Variants in DPP4 observed in about 807,000 individuals in gnomAD.
DPP4 encodes the protein dipeptidyl peptidase 4, also known as ADCP-2.
A neutral mutation model predicts 122.4 loss-of-function variants in DPP4; 93 were observed. The observed-to-expected ratio is 0.76, with a 90% CI of 0.64 to 0.90. The LOEUF is 0.90. Among genes scored for constraint, DPP4 ranks in the 40% least tolerant of loss-of-function variants. The probability of loss-of-function intolerance (pLI) is 0.00; values close to 1 mark genes in which losing one functional copy is unlikely to be tolerated. For missense variants in DPP4, 914 were observed against 907.3 expected, an observed-to-expected ratio of 1.01 and a Z score of -0.09; for synonymous variants, 321 against 302.9, an observed-to-expected ratio of 1.06 and a Z score of -0.62.
chr2:162,052,467 C>T (rs926950851), intron 2 of DPP4, among the ~76,000 whole-genome samples: 5 of 152,130 alleles, frequency 3.3e-5, no homozygotes, highest in Non-Finnish European at 7.3e-5. Context: ...AGACACTGAC[C>T]TGCCTGCATT....
chr2:162,018,517 ATG>A (rs1218634562), intron 16 of DPP4, among the ~76,000 whole-genome samples: 1 of 152,216 alleles, frequency 6.6e-6, no homozygotes. Context: ...GTGTTTGTGC[ATG>A]TGTGAGTGTG....
intron 2 of DPP4, among the ~76,000 whole-genome samples, chr2:162,068,263 T>G (rs529624273): frequency 2.6e-5 from 4 of 152,214 alleles, no homozygotes; most frequent in African/African-American, 9.7e-5. Flanking sequence ...AATTATAATA[T>G]CGCTATGCAA....
intron 2 of DPP4, among the ~76,000 whole-genome samples, chr2:162,056,328 C>G (rs1375410498): frequency 2.6e-5 from 4 of 152,096 alleles, no homozygotes; most frequent in African/African-American, 4.8e-5. Flanking sequence ...GCCTGGTATA[C>G]AGTAGACACT....
chr2:162,045,767 C>G lies in DPP4; in HGVS notation c.286-155G>C, dbSNP rs147969662. On this transcript the variant is annotated intron_variant, in intron 4 of 25. Transcript: ENST00000360534. ...TGGCATATTCACCCACACAAATGAC[C>G]GTGATGCAAGGTAGGTGGCGATCAA... 4.6e-5 allele frequency among the ~76,000 whole-genome samples: 7 copies of G among 152,190 alleles called. No homozygotes were observed. In the South Asian group the frequency reaches 1.5e-3, roughly 32 times the overall value.
At chr2:162,004,474 T>C (rs796528308) in intron 23 of DPP4, among the ~76,000 whole-genome samples, 5 of 152,220 alleles carry the variant, frequency 3.3e-5, no homozygotes, top group African/African-American at 1.2e-4. Context: ...CAGGGGTAGA[T>C]GATTTGTGCA....
chr2:162,061,990 T>A (rs1460690366), intron 2 of DPP4, among the ~76,000 whole-genome samples: 2 of 151,862 alleles, frequency 1.3e-5, no homozygotes, highest in Admixed American at 1.3e-4. Context: ...GTCGCCAGCC[T>A]GGGCATGGTG....
At chr2:162,044,474 G>T (rs1016751299) in intron 5 of DPP4, among the ~76,000 whole-genome samples, 4 of 151,582 alleles carry the variant, frequency 2.6e-5, no homozygotes, top group Non-Finnish European at 5.9e-5. Flanking sequence ...GTTGGTGTGT[G>T]AGCGTTGGTG....
chr2:162,057,045 T>C (rs1012608821), intron 2 of DPP4, among the ~76,000 whole-genome samples: 6 of 151,662 alleles, frequency 4.0e-5, no homozygotes, highest in Non-Finnish European at 5.9e-5. Context: ...TATGATTTCA[T>C]CCCCAACCAA....
Position 162,016,803 on chromosome 2 carries a change from G to A in DPP4, c.1532C>T (p.Ser511Phe), listed in dbSNP as rs769085541. 1.9e-6 allele frequency: 3 copies of A among 1,611,406 alleles called. No individual in the cohort carries two copies. Among genetic ancestry groups the A allele is most frequent in the South Asian group, 2.2e-5 (2 of 90,192 alleles). Residue 511 changes from serine to phenylalanine, a missense_variant, in exon 18 of 26, where the codon TCC (serine) becomes TTC (phenylalanine). By Grantham distance (155) the Ser-to-Phe change is radical. Transcript: ENST00000360534. Reference sequence around the variant, plus strand: ...CAAAATAATGAAGTCCAGTTTTTTGGAGGGCATCTGGACATTCTGCAGCAT... The same window carrying A: ...CAAAATAATGAAGTCCAGTTTTTTGAAGGGCATCTGGACATTCTGCAGCAT... ...DKMLQNVQMPSKKLDFIILNE... is the reference protein window; with the variant it reads ...DKMLQNVQMPFKKLDFIILNE...
In DPP4 at chr2:161,995,189, CTGTTTT is replaced by C; in HGVS notation, c.2125+105_2125+110del. The C allele has an allele frequency of 5.3e-6, 7 of 1,324,626 alleles. No homozygotes were observed. In the South Asian group the frequency reaches 8.3e-5, roughly 16 times the overall value. The allele number at this position is 1,324,626 out of a possible 1,614,324, so 82.1% of individuals were successfully genotyped here. On this transcript the variant is annotated intron_variant, in intron 24 of 25. Transcript: ENST00000360534. ...GACAAGTGACTTGTGGAAAGCAACA[CTGTTTT>C]ATTGAAGTAAATGTAACAGTCTTGC...
chr2:162,022,630 G>A (rs1683171447), intron 12 of DPP4, 125 bp downstream of exon 12: 2 of 876,102 alleles, frequency 2.3e-6, no homozygotes, highest in Non-Finnish European at 1.9e-6. Context: ...TACATATTTT[G>A]AGAAATAGGT....
At chr2:162,040,541 G>A (rs1191578039) in intron 5 of DPP4, among the ~76,000 whole-genome samples, 1 of 151,980 alleles carries the variant, frequency 6.6e-6, no homozygotes, top group Non-Finnish European at 1.5e-5. Context: ...ATTGGTGGTT[G>A]CTTGGAGACT....
At chr2:161,995,226 A>G in intron 24 of DPP4, 74 bp downstream of exon 24, 3 of 1,433,040 alleles carry the variant, frequency 2.1e-6, no homozygotes, top group Non-Finnish European at 3.0e-6. Flanking sequence ...CTTGCCCCTC[A>G]TGCTTTTGTT....
intron 10 of DPP4, among the ~76,000 whole-genome samples, chr2:162,027,334 G>A (rs1421319807): frequency 6.6e-6 from 1 of 151,114 alleles, no homozygotes; most frequent in Non-Finnish European, 1.5e-5. Context: ...CTGGGTGAGA[G>A]TGAGACTCGG....
chr2:162,073,550 G>C (rs1476259520), intron 1 of DPP4, 64 bp from the exon 2 acceptor site: 1 of 1,526,720 alleles, frequency 6.5e-7, no homozygotes, highest in Admixed American at 1.7e-5. Context: ...CCGTAGGAGG[G>C]TCGGGGCTGC....
chr2:162,019,612 C>T (rs559722917), intron 14 of DPP4, among the ~76,000 whole-genome samples: 3 of 152,022 alleles, frequency 2.0e-5, no homozygotes, highest in African/African-American at 7.2e-5. Flanking sequence ...TCATTGATCC[C>T]GATCGTTGTA....
rs1701265490 is a variant in DPP4, at chr2:162,005,692, C to A, written c.2052+53G>T. On this transcript the variant is annotated intron_variant, in intron 23 of 25. Coordinates refer to ENST00000360534, the MANE Select transcript of DPP4 (RefSeq NM_001935.4). ...TAGAATAGATACAATTAAGAAGGTT[C>A]TTAAACCACTTATAAATAGGTTATA... 2.7e-6 allele frequency: 4 copies of A among 1,474,064 alleles called. No individual in the cohort carries two copies. The East Asian group carries it at 9.1e-5, about 34-fold the overall frequency. 91.3% of individuals were successfully genotyped at this position (1,474,064 alleles called of 1,614,324 possible). A position where few individuals can be genotyped will look rare whatever the true frequency, so the allele number is the denominator to read the frequency against.
intron 2 of DPP4, among the ~76,000 whole-genome samples, chr2:162,059,206 A>G (rs1363005438): frequency 6.6e-6 from 1 of 152,162 alleles, no homozygotes. Context: ...AGCCAGCACT[A>G]AGCAAGGTGG....
intron 2 of DPP4, among the ~76,000 whole-genome samples, chr2:162,050,032 G>T (rs558075323): frequency 1.3e-5 from 2 of 152,254 alleles, no homozygotes; most frequent in South Asian, 4.1e-4. Flanking sequence ...TAGCAAGCGG[G>T]TAAAATCAGT....
Sources: allele counts gnomAD v4.1 joint callset (sites outside exome capture counted in the v4.1 genomes callset), GRCh38; gene constraint gnomAD v4.1.1; transcripts MANE v1.5; gene names NCBI Gene and HGNC (gene_info 2026-07-23, HGNC 2026-07-21).